The following CHRM1 variants were observed in gnomAD, a reference collection of about 807,000 sequenced individuals.
CHRM1 encodes cholinergic receptor muscarinic 1.
Under a neutral mutation model 31.6 loss-of-function variants are expected in CHRM1, and 5 were observed. That is an observed-to-expected ratio of 0.16 (90% CI 0.08 to 0.33). The LOEUF is 0.33. Ranked by LOEUF, CHRM1 falls within the 10% of genes least tolerant of loss-of-function variation. The pLI is 1.00. For missense variants in CHRM1, 338 were observed against 610.3 expected (o/e 0.55, Z 4.70); for synonymous variants, 227 against 249.7 (o/e 0.91, Z 0.86).
chr11:62,913,668 TCTC>T (rs1221358715), intron 1 of CHRM1, among the ~76,000 whole-genome samples: 15 of 144,566 alleles, frequency 1.0e-4, no homozygotes, highest in African/African-American at 3.6e-4. Context: ...TGAAACTCTG[TCTC>T]AAAAAAAAAA....
At chr11:62,912,460 G>C (rs1292078502) in intron 1 of CHRM1, among the ~76,000 whole-genome samples, 1 of 152,072 alleles carries the variant, frequency 6.6e-6, no homozygotes, top group East Asian at 1.9e-4. Context: ...CTAGCTCAGT[G>C]GGGGTCTGGG....
In CHRM1 at chr11:62,910,162, G is replaced by A. The variant is rs1173836875; in HGVS notation, c.939C>T (p.Ala313=). 6.2e-7 allele frequency: 1 copy of A among 1,604,624 alleles called. No homozygotes were observed. The highest frequency in any genetic ancestry group is 2.2e-5 in the East Asian group (1 of 44,792). ...AGCTCCGTGGGGGCTGCTTGGTGGG[G>A]GCCTGTGCCTCGGGGTCCACCATTG... ...KMPMVDPEAQ[A]PTKQPPRSSP... Residue 313 remains alanine (A), a synonymous_variant, in exon 2 of 2, where the codon GCC becomes GCT. Coordinates refer to ENST00000306960, the MANE Select transcript of CHRM1 (RefSeq NM_000738.3). This position sits in a 1 kb window ranked among gnomAD's most constrained non-coding sequence, Gnocchi z 8.7.
chr11:62,920,211 T>C (rs781004592), intron 1 of CHRM1, among the ~76,000 whole-genome samples: 5 of 152,286 alleles, frequency 3.3e-5, no homozygotes, highest in Non-Finnish European at 7.4e-5. Flanking sequence ...TTCCAGCCAG[T>C]TGGGCAGGGG....
In CHRM1 at chr11:62,910,215, G is replaced by A; in HGVS notation, c.886C>T (p.Pro296Ser). ...ATCTTGATCACCACTTCGGAGCCAG[G>A]CTCCTCTCCCTCTGAGGATGTGAGG... ...ESLTSSEGEE[P>S]GSEVVIKMPM... The change falls in exon 2 of 2, where the codon CCT becomes TCT. Residue 296 changes from proline (P) to serine (S), a missense_variant. This residue lies in a region of CHRM1 where 183 missense variants were observed against 223.4 expected (regional missense o/e 0.82). Transcript: ENST00000306960. This position sits in a 1 kb window ranked among gnomAD's most constrained non-coding sequence, Gnocchi z 8.7. The A allele has an allele frequency of 6.2e-7, 1 of 1,607,602 alleles. No individual in the cohort carries two copies. The highest frequency in any genetic ancestry group is 1.3e-5 in the African/African-American group (1 of 74,702).
In CHRM1 at chr11:62,916,394, G is replaced by A. The variant is rs78526584; in HGVS notation, c.-79+4824C>T. On this transcript the variant is annotated intron_variant, in intron 1 of 1. Coordinates refer to ENST00000306960, the MANE Select transcript of CHRM1 (RefSeq NM_000738.3). ...TGTCATCAACTCAGATTGCGAATAC[G>A]GTGCCCATCACAAGGCTAGCTATAA... Among the ~76,000 whole-genome samples, 374 of 152,260 alleles carry A rather than the reference G, an allele frequency of 2.5e-3. 16 individuals carry two copies. The East Asian group carries it at 0.065, about 26-fold the overall frequency.
At chr11:62,916,703 A>G (rs376813798) in intron 1 of CHRM1, among the ~76,000 whole-genome samples, 1 of 152,232 alleles carries the variant, frequency 6.6e-6, no homozygotes, top group African/African-American at 2.4e-5. Flanking sequence ...CTATCTTTAT[A>G]TTATAGGTAA....
chr11:62,915,842 C>T (rs1283884382), intron 1 of CHRM1, among the ~76,000 whole-genome samples: 1 of 152,146 alleles, frequency 6.6e-6, no homozygotes, highest in Non-Finnish European at 1.5e-5. Flanking sequence ...TGGACTCTCA[C>T]TCTGTCACCC....
chr11:62,910,117 C>T lies in CHRM1; in HGVS notation c.984G>A (p.Arg328=). 3.1e-6 allele frequency: 5 copies of T among 1,610,932 alleles called. No homozygotes were observed. The highest frequency in any genetic ancestry group is 4.2e-6 in the Non-Finnish European group (5 of 1,178,918). Residue 328 remains arginine, a synonymous_variant, in exon 2 of 2, where the codon AGG becomes AGA. Transcript: ENST00000306960. This position sits in a 1 kb window ranked among gnomAD's most constrained non-coding sequence, Gnocchi z 8.7. ...CTCGATCACGCCCTTTCTTAGTCGG[C>T]CTCTTGACTGTATTTGGGGAGCTCC... ...PPRSSPNTVK[R]PTKKGRDRAG...
chr11:62,916,696 T>C (rs1168704297), intron 1 of CHRM1, among the ~76,000 whole-genome samples: 1 of 152,204 alleles, frequency 6.6e-6, no homozygotes, highest in African/African-American at 2.4e-5. Flanking sequence ...GGGGGCTCTA[T>C]CTTTATATTA....
In CHRM1 at chr11:62,909,444, C is replaced by T. The variant is rs1159679638; in HGVS notation, c.*274G>A. Reference sequence around the variant, plus strand: ...AAAGGCAAACAAGGAGTCCAAAGCCCGGATCCTCCTCCCGGGCCTTCTTCC... The same window carrying T: ...AAAGGCAAACAAGGAGTCCAAAGCCTGGATCCTCCTCCCGGGCCTTCTTCC... On this transcript the variant is annotated 3_prime_UTR_variant, in exon 2 of 2. Coordinates refer to ENST00000306960, the MANE Select transcript of CHRM1 (RefSeq NM_000738.3). 5 of 495,700 alleles carry T rather than the reference C, an allele frequency of 1.0e-5. No homozygotes were observed. Among genetic ancestry groups the T allele is most frequent in the Non-Finnish European group, 7.2e-6 (2 of 278,190 alleles). The allele number at this position is 495,700 out of a possible 1,614,324, so 30.7% of individuals were successfully genotyped here. A position where few individuals can be genotyped will look rare whatever the true frequency, so the allele number is the denominator to read the frequency against.
rs373781623 is a variant in CHRM1 at position 62,911,483 on chromosome 11, G to A, written c.-78-305C>T. On this transcript the variant is annotated intron_variant, in intron 1 of 1. Transcript: ENST00000306960. ...TACAAATTCCTATCTTACATAACTCGGGTTGCAGGAGTTGGGAAACTCACT... is the reference window on the plus strand; with the variant it reads ...TACAAATTCCTATCTTACATAACTCAGGTTGCAGGAGTTGGGAAACTCACT... Among the ~76,000 whole-genome samples, 7 of 152,258 alleles carry A rather than the reference G, an allele frequency of 4.6e-5. 1 individual carries two copies. The South Asian group carries it at 1.5e-3, about 32-fold the overall frequency.
intron 1 of CHRM1, among the ~76,000 whole-genome samples, chr11:62,920,337 A>G (rs2085926008): frequency 6.6e-6 from 1 of 152,144 alleles, no homozygotes; most frequent in African/African-American, 2.4e-5. Context: ...ATGAGAGCTG[A>G]CGACCCCCTC....
In CHRM1 at chr11:62,910,361, C is replaced by T. The variant is rs751481451; in HGVS notation, c.740G>A (p.Gly247Glu). 1 of 1,609,948 alleles carries T rather than the reference C, an allele frequency of 6.2e-7. No individual in the cohort carries two copies. The stretch of plus-strand genomic sequence containing the variant: ...AGGAGTCTCTGGTGAGCCCTCAGCC[C>T]CTGGCTGAGACCTCTCTGAGCTGCT... ...SSSSSERSQP[G>E]AEGSPETPPG... The change falls in exon 2 of 2, where the codon GGG becomes GAG. Residue 247 changes from glycine to glutamate, a missense_variant. Coordinates refer to ENST00000306960, the MANE Select transcript of CHRM1 (RefSeq NM_000738.3). This position sits in a 1 kb window ranked among gnomAD's most constrained non-coding sequence, Gnocchi z 8.7.
chr11:62,921,477 T>G (rs574291876), upstream of CHRM1: 3 of 152,438 alleles, frequency 2.0e-5, no homozygotes, highest in East Asian at 3.9e-4. Flanking sequence ...AGGCAGCGTC[T>G]GGGGTTGGAC....
Position 62,910,472 on chromosome 11 carries a change from C to A in CHRM1, c.629G>T (p.Arg210Leu). 6.2e-7 allele frequency: 1 copy of A among 1,614,052 alleles called. No homozygotes were observed. Among genetic ancestry groups the A allele is most frequent in the Non-Finnish European group, 8.5e-7 (1 of 1,180,028 alleles). ...TCGGTTCTCTGTCTCCCGGTAGATG[C>A]GCCAGTAGAGCGTGCACATGACTGT... ...PVTVMCTLYW[R>L]IYRETENRAR... The change falls in exon 2 of 2, where the codon CGC (arginine) becomes CTC (leucine). Residue 210 changes from arginine (R) to leucine (L), a missense_variant. By Grantham distance (102) the Arg-to-Leu change is moderately radical (BLOSUM62 -2). Around this residue, in one of 4 missense-constraint regions of CHRM1, gnomAD observed 183 missense variants for 223.4 expected, o/e 0.82. Transcript: ENST00000306960. This position sits in a 1 kb window ranked among gnomAD's most constrained non-coding sequence, Gnocchi z 8.7.
intron 1 of CHRM1, among the ~76,000 whole-genome samples, chr11:62,913,009 A>C (rs1362744342): frequency 6.6e-6 from 1 of 152,140 alleles, no homozygotes; most frequent in Non-Finnish European, 1.5e-5. Context: ...CAGCGTGGCG[A>C]GTTCAGTGGG....
In CHRM1 at chr11:62,910,250, G is replaced by A; in HGVS notation, c.851C>T (p.Ser284Phe). ...CTCTGAGGATGTGAGGGACTCCATG[G>A]AGCCTTCGTCCTCTTCCTCTTCTTC... ...WKEEEEEDEG[S>F]MESLTSSEGE... Residue 284 changes from serine (S) to phenylalanine (F), a missense_variant, in exon 2 of 2, where the codon TCC (serine) becomes TTC (phenylalanine). Ser to Phe is a radical substitution (Grantham distance 155, BLOSUM62 -2). Transcript: ENST00000306960. This position sits in a 1 kb window ranked among gnomAD's most constrained non-coding sequence, Gnocchi z 8.7. 6.2e-7 allele frequency: 1 copy of A among 1,613,410 alleles called. No homozygotes were observed. The highest frequency in any genetic ancestry group is 1.1e-5 in the South Asian group (1 of 91,004).
chr11:62,909,753 C>T lies in CHRM1; in HGVS notation c.1348G>A (p.Gly450Ser). 1 of 1,614,074 alleles carries T rather than the reference C, an allele frequency of 6.2e-7. No individual in the cohort carries two copies. Among genetic ancestry groups the T allele is most frequent in the Non-Finnish European group, 8.5e-7 (1 of 1,179,914 alleles). Residue 450 changes from glycine to serine, a missense_variant, in exon 2 of 2, where the codon GGC (glycine) becomes AGC (serine). Around this residue, in one of 4 missense-constraint regions of CHRM1, gnomAD observed 68 missense variants for 108.5 expected, o/e 0.63. Transcript: ENST00000306960. ...RRWRKIPKRP[G>S]SVHRTPSRQC ...CGGGAGGGAGTGCGGTGCACGGAGCCAGGGCGCTTGGGGATCTTGCGCCAG... is the reference window on the plus strand; with the variant it reads ...CGGGAGGGAGTGCGGTGCACGGAGCTAGGGCGCTTGGGGATCTTGCGCCAG...
In CHRM1 at chr11:62,909,945, G is replaced by A; in HGVS notation, c.1156C>T (p.Leu386=). The A allele has an allele frequency of 6.2e-7, 1 of 1,614,196 alleles. No homozygotes were observed. Among genetic ancestry groups the A allele is most frequent in the Non-Finnish European group, 8.5e-7 (1 of 1,180,026 alleles). Residue 386 remains leucine (L), a synonymous_variant, in exon 2 of 2, where the codon CTG becomes TTG. Transcript: ENST00000306960. Reference sequence around the variant, plus strand: ...CAGTCCTTGCAGAAGGTGGACACCAGCACCATGATGTTGTACGGTGTCCAG... The same window carrying A: ...CAGTCCTTGCAGAAGGTGGACACCAACACCATGATGTTGTACGGTGTCCAG... ...LTWTPYNIMV[L]VSTFCKDCVP...
Sources: allele counts gnomAD v4.1 joint callset (sites outside exome capture counted in the v4.1 genomes callset), GRCh38; gene constraint gnomAD v4.1.1; regional missense constraint gnomAD v4.1.1; non-coding constraint Gnocchi (gnomAD v3.1); transcripts MANE v1.5; gene names NCBI Gene and HGNC (gene_info 2026-07-23, HGNC 2026-07-21).